The following CCSER1 variants were observed in gnomAD, a reference collection of about 807,000 sequenced individuals.
The protein encoded by CCSER1 is serine-rich coiled-coil domain-containing protein 1.
A neutral mutation model predicts 82.0 loss-of-function variants in CCSER1; 41 were observed. That is an observed-to-expected ratio of 0.50 (90% CI 0.39 to 0.65). The LOEUF (loss-of-function observed/expected upper bound fraction) is 0.65, where lower values mean the gene tolerates loss of function less well. Among genes scored for constraint, CCSER1 ranks in the 30% least tolerant of loss-of-function variants. The probability of loss-of-function intolerance (pLI) is 0.00; values close to 1 mark genes in which losing one functional copy is unlikely to be tolerated. For synonymous variants in CCSER1, 414 were observed against 383.9 expected, an observed-to-expected ratio of 1.08 and a Z score of -0.92; for missense variants, 1,119 against 1,064.2, an observed-to-expected ratio of 1.05 and a Z score of -0.72.
At chr4:90,408,832 C>G (rs1754184918) in intron 4 of CCSER1, among the ~76,000 whole-genome samples, 1 of 152,098 alleles carries the variant, frequency 6.6e-6, no homozygotes, top group African/African-American at 2.4e-5. Context: ...TCAAACTACT[C>G]CAAGCTAAAG....
chr4:90,469,296 A>C (rs1164901616), intron 5 of CCSER1, among the ~76,000 whole-genome samples: 7 of 152,106 alleles, frequency 4.6e-5, no homozygotes, highest in Admixed American at 3.3e-4. Context: ...ATTTGATTGC[A>C]TGAAGATATT....
chr4:91,438,662 G>T (rs1390444808), intron 10 of CCSER1, among the ~76,000 whole-genome samples: 1 of 152,176 alleles, frequency 6.6e-6, no homozygotes, highest in African/African-American at 2.4e-5. Context: ...AGAGAAGAAG[G>T]CTTCAGATGA....
chr4:90,465,351 T>A (rs1763490488), intron 4 of CCSER1, among the ~76,000 whole-genome samples: 2 of 149,128 alleles, frequency 1.3e-5, no homozygotes, highest in Middle Eastern at 3.2e-3. Context: ...GGTGCAGTCT[T>A]GCTCTGTCAC....
intron 1 of CCSER1, among the ~76,000 whole-genome samples, chr4:90,220,941 T>A (rs980100110): frequency 2.6e-5 from 4 of 152,186 alleles, no homozygotes; most frequent in African/African-American, 9.6e-5. Flanking sequence ...ATATGCTAAT[T>A]TAGTTATGTG....
At chr4:91,307,725 T>A (rs898843542) in intron 10 of CCSER1, among the ~76,000 whole-genome samples, 3 of 151,984 alleles carry the variant, frequency 2.0e-5, no homozygotes, top group Admixed American at 6.6e-5. Flanking sequence ...GAAAACAGTA[T>A]AACTGCTTAA....
At chr4:90,526,704 T>C (rs1773805952) in intron 5 of CCSER1, among the ~76,000 whole-genome samples, 1 of 152,188 alleles carries the variant, frequency 6.6e-6, no homozygotes, top group Non-Finnish European at 1.5e-5. Flanking sequence ...CATGAACTCA[T>C]CATTTTTTAT....
At chr4:90,948,488 A>G (rs907080208) in intron 9 of CCSER1, among the ~76,000 whole-genome samples, 1 of 151,830 alleles carries the variant, frequency 6.6e-6, no homozygotes, top group African/African-American at 2.4e-5. Context: ...ACATAGGATG[A>G]AAACAAAGAT....
At chr4:90,980,696 A>G in intron 9 of CCSER1, among the ~76,000 whole-genome samples, 1 of 151,252 alleles carries the variant, frequency 6.6e-6, no homozygotes, top group East Asian at 2.0e-4. Context: ...AGGAGAGGAG[A>G]GAGAGGGAAA....
At chr4:91,102,855 T>C (rs977271525) in intron 10 of CCSER1, among the ~76,000 whole-genome samples, 1 of 152,256 alleles carries the variant, frequency 6.6e-6, no homozygotes, top group Non-Finnish European at 1.5e-5. Flanking sequence ...CAAATGAGGT[T>C]GAACTCTTAT....
At chr4:90,264,157 C>G (rs1724834718) in intron 1 of CCSER1, among the ~76,000 whole-genome samples, 1 of 152,168 alleles carries the variant, frequency 6.6e-6, no homozygotes, top group African/African-American at 2.4e-5. Flanking sequence ...CAAATGTGCT[C>G]TTTATTGCTA....
In CCSER1 at chr4:90,873,168, C is replaced by T. The variant is rs1007937434; in HGVS notation, c.2095-50202C>T. On this transcript the variant is annotated intron_variant, in intron 8 of 10. Coordinates refer to ENST00000509176, the MANE Select transcript of CCSER1 (RefSeq NM_001145065.2). ...ATCTTTTGTAATAAACTTTCTACCC[C>T]GATCTCTCTGTCTCTACCTCTTCTT... 3.9e-5 allele frequency among the ~76,000 whole-genome samples: 6 copies of T among 151,972 alleles called. No homozygotes were observed. The East Asian group carries it at 5.8e-4, about 15-fold the overall frequency.
chr4:90,893,640 T>C lies in CCSER1; in HGVS notation c.2095-29730T>C, dbSNP rs933730208. ...TAAAATAGACTTATTTCTGTTATTC[T>C]TCTTGTTAGATCTTGGATTCTGTCT... On this transcript the variant is annotated intron_variant, in intron 8 of 10. Coordinates refer to ENST00000509176, the MANE Select transcript of CCSER1 (RefSeq NM_001145065.2). Among the ~76,000 whole-genome samples, 10 of 152,058 alleles carry C rather than the reference T, an allele frequency of 6.6e-5. No individual in the cohort carries two copies. In the East Asian group the frequency reaches 1.9e-3, roughly 29 times the overall value.
intron 4 of CCSER1, among the ~76,000 whole-genome samples, chr4:90,427,435 T>C (rs1238774643): frequency 6.6e-6 from 1 of 151,302 alleles, no homozygotes; most frequent in Admixed American, 6.6e-5. Context: ...GTTTATATGT[T>C]TTTAAAAAAT....
At chr4:90,581,058 A>G (rs1560756088) in intron 5 of CCSER1, among the ~76,000 whole-genome samples, 1 of 152,164 alleles carries the variant, frequency 6.6e-6, no homozygotes, top group Non-Finnish European at 1.5e-5. Flanking sequence ...TTTCTAATGC[A>G]ATAAATTGAA....
At chr4:91,485,441 GT>G (rs1208424383) in intron 10 of CCSER1, among the ~76,000 whole-genome samples, 2 of 152,040 alleles carry the variant, frequency 1.3e-5, no homozygotes, top group African/African-American at 4.8e-5. Flanking sequence ...AAACTTCATT[GT>G]TTTTACACTA....
chr4:90,701,809 T>G (rs1468109834), intron 6 of CCSER1, among the ~76,000 whole-genome samples: 1 of 152,238 alleles, frequency 6.6e-6, no homozygotes, highest in Non-Finnish European at 1.5e-5. Context: ...CTTATGATTT[T>G]TGCACATTGA....
At chr4:91,375,800 C>T (rs1294206332) in intron 10 of CCSER1, among the ~76,000 whole-genome samples, 1 of 151,882 alleles carries the variant, frequency 6.6e-6, no homozygotes, top group African/African-American at 2.4e-5. Context: ...AATACTGGTA[C>T]AAAACCAAAG....
At chr4:91,377,636 A>G (rs1750533238) in intron 10 of CCSER1, among the ~76,000 whole-genome samples, 1 of 151,990 alleles carries the variant, frequency 6.6e-6, no homozygotes, top group Non-Finnish European at 1.5e-5. Flanking sequence ...TTCTTTGGAG[A>G]TTCTGGATAT....
intron 10 of CCSER1, among the ~76,000 whole-genome samples, chr4:91,228,081 C>G (rs1185458922): frequency 1.3e-5 from 2 of 151,922 alleles, no homozygotes; most frequent in Non-Finnish European, 2.9e-5. Context: ...ACTCACCTAC[C>G]AAGGGAAATT....
Sources: gnomAD v4.1 joint callset for allele counts (sites outside exome capture counted in the v4.1 genomes callset) on GRCh38, gnomAD v4.1.1 for gene constraint, MANE v1.5 for transcripts, NCBI Gene and HGNC (gene_info 2026-07-23, HGNC 2026-07-21) for gene names.